DARS1: variants seen among roughly 807,000 people sequenced by gnomAD.
DARS1 encodes the protein aspartyl-tRNA synthetase 1.
In DARS1, 51 loss-of-function variants were observed where a neutral mutation model predicts 68.8. The ratio of observed to expected loss-of-function variants is 0.74; its 90% confidence interval spans 0.59 to 0.94. The LOEUF is 0.94. Among genes scored for constraint, DARS1 ranks in the 40% least tolerant of loss-of-function variants. The pLI, the probability that DARS1 is intolerant of heterozygous loss-of-function variation, is 0.00. For synonymous variants in DARS1, 203 were observed against 190.4 expected, an observed-to-expected ratio of 1.07 and a Z score of -0.55; for missense variants, 607 against 597.3, an observed-to-expected ratio of 1.02 and a Z score of -0.17.
At chr2:135,924,260 G>C in intron 8 of DARS1, 127 bp downstream of exon 8, 1 of 1,024,766 alleles carries the variant, frequency 9.8e-7, no homozygotes, top group Non-Finnish European at 1.3e-6. Context: ...CTTCAAAATA[G>C]TAGTCTCATG....
At chr2:135,975,252 G>A (rs1682469269) in intron 3 of DARS1, among the ~76,000 whole-genome samples, 1 of 152,038 alleles carries the variant, frequency 6.6e-6, no homozygotes, top group Non-Finnish European at 1.5e-5. Flanking sequence ...GGCTGAGGCA[G>A]GAGAATGATG....
intron 3 of DARS1, among the ~76,000 whole-genome samples, chr2:135,967,009 T>C (rs1682251709): frequency 6.6e-6 from 1 of 152,176 alleles, no homozygotes; most frequent in South Asian, 2.1e-4. Flanking sequence ...GGTAGGTAGT[T>C]AGGACAAAAA....
At chr2:135,977,921 T>G (rs113853485) in intron 3 of DARS1, among the ~76,000 whole-genome samples, 3,495 of 152,136 alleles carry the variant, frequency 0.023, 128 homozygotes, top group African/African-American at 0.08. Context: ...GGCGAGAGGA[T>G]CACCTGAGGT....
intron 5 of DARS1, among the ~76,000 whole-genome samples, chr2:135,936,101 A>T (rs985249160): frequency 6.6e-6 from 1 of 152,176 alleles, no homozygotes; most frequent in Non-Finnish European, 1.5e-5. Context: ...CTGACCCCAG[A>T]GTCTTCACAT....
At chr2:135,982,334 C>A (rs1014422122) in intron 2 of DARS1, among the ~76,000 whole-genome samples, 2 of 152,080 alleles carry the variant, frequency 1.3e-5, no homozygotes, top group Admixed American at 6.6e-5. Context: ...GTGGCTCACA[C>A]CTGTAATCCT....
At chr2:135,957,911 G>A (rs1682014913) in intron 4 of DARS1, among the ~76,000 whole-genome samples, 1 of 152,026 alleles carries the variant, frequency 6.6e-6, no homozygotes, top group Admixed American at 6.5e-5. Flanking sequence ...AAATTAATAA[G>A]TAATATTAAT....
intron 1 of DARS1, 81 bp downstream of exon 1, chr2:135,985,322 C>CCCCACT: frequency 2.6e-6 from 4 of 1,536,298 alleles, no homozygotes; most frequent in Non-Finnish European, 3.5e-6. Context: ...ACCTGTAGGG[C>CCCCACT]CCCACTCCCC....
chr2:135,909,657 G>A (rs1408805999), intron 15 of DARS1, among the ~76,000 whole-genome samples: 1 of 152,048 alleles, frequency 6.6e-6, no homozygotes, highest in Non-Finnish European at 1.5e-5. Context: ...CCATATATAT[G>A]TGAGATCACA....
At chr2:135,976,613 A>G (rs1575408657) in intron 3 of DARS1, among the ~76,000 whole-genome samples, 1 of 150,622 alleles carries the variant, frequency 6.6e-6, no homozygotes, top group East Asian at 1.9e-4. Context: ...TCACAAATGG[A>G]AAAAAAAACA....
chr2:135,907,238 C>CTTTGTTTTTTTTTTT lies in DARS1; in HGVS notation c.*77_*78insAAAAAAAAAAACAAA. On this transcript the variant is annotated 3_prime_UTR_variant, in exon 16 of 16. Coordinates refer to ENST00000264161, the MANE Select transcript of DARS1 (RefSeq NM_001349.4). ...AGGTTACTGAAAAGAATAAGTGTGGCTTTCTTTTTTTTTTTTTTTTTTTGA... is the reference window on the plus strand; with the variant it reads ...AGGTTACTGAAAAGAATAAGTGTGGCTTTGTTTTTTTTTTTTTTCTTTTTTTTTTTTTTTTTTTGA... 2 of 724,934 alleles carry CTTTGTTTTTTTTTTT rather than the reference C, an allele frequency of 2.8e-6. No individual in the cohort carries two copies. The highest frequency in any genetic ancestry group is 2.6e-5 in the African/African-American group (1 of 39,188). The allele number at this position is 724,934 out of a possible 1,614,324, so 44.9% of individuals were successfully genotyped here. A position where few individuals can be genotyped will look rare whatever the true frequency, so the allele number is the denominator to read the frequency against.
At chr2:135,963,193 A>G (rs1682138302) in intron 3 of DARS1, among the ~76,000 whole-genome samples, 2 of 152,344 alleles carry the variant, frequency 1.3e-5, no homozygotes, top group South Asian at 2.1e-4. Flanking sequence ...AAGGCCTGGT[A>G]TCATATCCTA....
At chr2:135,973,662 C>A (rs1291694969) in intron 3 of DARS1, among the ~76,000 whole-genome samples, 2 of 151,736 alleles carry the variant, frequency 1.3e-5, no homozygotes, top group Non-Finnish European at 2.9e-5. Context: ...TCAGACCAGC[C>A]TGGGCAACAT....
chr2:135,940,574 G>C (rs1250611956), intron 5 of DARS1, among the ~76,000 whole-genome samples: 2 of 152,132 alleles, frequency 1.3e-5, no homozygotes, highest in East Asian at 3.8e-4. Flanking sequence ...TCAAAAACTG[G>C]AAGTATTCCC....
At chr2:135,949,420 CA>C (rs1219676512) in intron 4 of DARS1, among the ~76,000 whole-genome samples, 2 of 151,956 alleles carry the variant, frequency 1.3e-5, no homozygotes, top group East Asian at 1.9e-4. Flanking sequence ...GGCACACATA[CA>C]AAAAAATTTT....
intron 4 of DARS1, among the ~76,000 whole-genome samples, 161 bp from the exon 5 acceptor site, chr2:135,943,641 C>T (rs972746394): frequency 1.1e-4 from 16 of 152,142 alleles, no homozygotes; most frequent in African/African-American, 2.7e-4. Context: ...TAAGCTATTA[C>T]GTAGCATACC....
chr2:135,927,952 T>G (rs1681259808), intron 7 of DARS1, among the ~76,000 whole-genome samples: 1 of 152,156 alleles, frequency 6.6e-6, no homozygotes, highest in South Asian at 2.1e-4. Context: ...CCTGAGGTCC[T>G]CATAGCACTA....
intron 4 of DARS1, among the ~76,000 whole-genome samples, chr2:135,953,003 G>A (rs1047572119): frequency 6.6e-6 from 1 of 152,162 alleles, no homozygotes; most frequent in Non-Finnish European, 1.5e-5. Flanking sequence ...AATAGTGTAT[G>A]AGGGGTTTCC....
chr2:135,980,808 G>A (rs573106724), intron 2 of DARS1, among the ~76,000 whole-genome samples: 1 of 152,302 alleles, frequency 6.6e-6, no homozygotes, highest in African/African-American at 2.4e-5. Flanking sequence ...AGAGATATGC[G>A]ATAATTAGGA....
In DARS1 at chr2:135,913,186, G is replaced by GA. The variant is rs755751017; in HGVS notation, c.1150-621dup. ...TAGTCATTCTGATGCATTTTATAAT[G>GA]AAAAAAATTATCTCAAATCCTTTTG... On this transcript the variant is annotated intron_variant, in intron 12 of 15. Coordinates refer to ENST00000264161, the MANE Select transcript of DARS1 (RefSeq NM_001349.4). Among the ~76,000 whole-genome samples the GA allele has an allele frequency of 4.7e-5, 7 of 149,718 alleles. No homozygotes were observed. In the East Asian group the frequency reaches 1.2e-3, roughly 25 times the overall value.
Sources: allele counts gnomAD v4.1 joint callset (sites outside exome capture counted in the v4.1 genomes callset), GRCh38; gene constraint gnomAD v4.1.1; transcripts MANE v1.5; gene names NCBI Gene and HGNC (gene_info 2026-07-23, HGNC 2026-07-21).